The following ANKS6 variants were observed in gnomAD, a reference collection of about 807,000 sequenced individuals.
ANKS6 encodes ankyrin repeat and SAM domain-containing protein 6.
ANKS6 carries 47 observed loss-of-function variants against 77.9 expected under a neutral mutation model. The observed-to-expected ratio is 0.60, with a 90% confidence interval of 0.48 to 0.77. ANKS6 has a LOEUF of 0.77. Ranked by LOEUF, ANKS6 falls within the 30% of genes least tolerant of loss-of-function variation. The pLI is 0.00. For missense variants in ANKS6, 1,150 were observed against 1,159.1 expected (o/e 0.99, Z 0.11); for synonymous variants, 488 against 501.7 (o/e 0.97, Z 0.37).
At chr9:98,772,498 T>TA (rs1833696719) in intron 9 of ANKS6, among the ~76,000 whole-genome samples, 2 of 152,176 alleles carry the variant, frequency 1.3e-5, no homozygotes, top group Non-Finnish European at 2.9e-5. Flanking sequence ...GGTGACTTGT[T>TA]ACAGCAGCCA....
intron 12 of ANKS6, among the ~76,000 whole-genome samples, chr9:98,754,783 T>C (rs1162132610): frequency 6.6e-6 from 1 of 152,210 alleles, no homozygotes; most frequent in Non-Finnish European, 1.5e-5. Context: ...GAAATTATTC[T>C]ACAAAGAAAG....
chr9:98,773,263 C>T (rs907513361), intron 9 of ANKS6, among the ~76,000 whole-genome samples: 14 of 152,176 alleles, frequency 9.2e-5, no homozygotes, highest in Admixed American at 2.6e-4. Flanking sequence ...AGAGGCCACA[C>T]GTTTCTCCAA....
intron 11 of ANKS6, among the ~76,000 whole-genome samples, chr9:98,767,369 T>G (rs1833358619): frequency 6.6e-6 from 1 of 152,144 alleles, no homozygotes; most frequent in Non-Finnish European, 1.5e-5. Context: ...CCCTTTTACC[T>G]GGCTCCATTC....
rs182023815 is a variant in ANKS6, at chr9:98,732,499, G to A, written c.*4020C>T. ...CCGATGCCAGCAGAGCCACCTGAGC[G>A]GCTGCTACCTCTTGCCGGAGGCAGT... On this transcript the variant is annotated 3_prime_UTR_variant, in exon 15 of 15. Coordinates refer to ENST00000353234, the MANE Select transcript of ANKS6 (RefSeq NM_173551.5). 1.1e-4 allele frequency: 169 copies of A among 1,550,514 alleles called. No homozygotes were observed. In the African/African-American group the frequency reaches 1.7e-3, roughly 16 times the overall value.
chr9:98,783,853 T>C, intron 4 of ANKS6, 100 bp downstream of exon 4: 2 of 1,108,424 alleles, frequency 1.8e-6, no homozygotes, highest in Non-Finnish European at 1.2e-6. Context: ...CTGGGGTTTG[T>C]ATGCAGCATC....
chr9:98,770,393 G>A (rs535726833), intron 10 of ANKS6, among the ~76,000 whole-genome samples: 1 of 152,228 alleles, frequency 6.6e-6, no homozygotes, highest in Non-Finnish European at 1.5e-5. Flanking sequence ...CTGCAAAGCT[G>A]GTTTTGGTTA....
At chr9:98,784,321 C>G in intron 3 of ANKS6, 164 bp from the exon 4 acceptor site, 1 of 572,288 alleles carries the variant, frequency 1.7e-6, no homozygotes. Context: ...AGCCCCGACT[C>G]TTAAATGCCT....
rs1389571708 is a variant in ANKS6 at position 98,749,780 on chromosome 9, G to C, written c.2394+1249C>G. ...TATGGTAGAAAAGCAAACAGGAGGA[G>C]GAAAGCTACGCGCCCTATTTGTTTC... is the stretch of plus-strand genomic sequence containing the variant. On this transcript the variant is annotated intron_variant, in intron 13 of 14. Coordinates refer to ENST00000353234, the MANE Select transcript of ANKS6 (RefSeq NM_173551.5). 3.3e-5 allele frequency among the ~76,000 whole-genome samples: 5 copies of C among 152,302 alleles called. No individual in the cohort carries two copies. In the East Asian group the frequency reaches 7.7e-4, roughly 24 times the overall value.
chr9:98,777,895 C>T (rs187689195), intron 7 of ANKS6, among the ~76,000 whole-genome samples: 98 of 152,300 alleles, frequency 6.4e-4, no homozygotes, highest in African/African-American at 2.2e-3. Context: ...TTTCAAGATG[C>T]TTTCAGTGTC....
rs1215224016 is a variant in ANKS6, at chr9:98,755,682, A to G, written c.2326+738T>C. Among the ~76,000 whole-genome samples, 7 of 152,226 alleles carry G rather than the reference A, an allele frequency of 4.6e-5. No homozygotes were observed. The East Asian group carries it at 1.4e-3, about 29-fold the overall frequency. On this transcript the variant is annotated intron_variant, in intron 12 of 14. Coordinates refer to ENST00000353234, the MANE Select transcript of ANKS6 (RefSeq NM_173551.5). ...TATTTCTCTCCCACTTCCAATACAC[A>G]TATGTCAGTAGGTTGGACCCCAACT...
rs533343225 is a variant in ANKS6 at position 98,781,516 on chromosome 9, T to C, written c.1219+951A>G. ...CTTGGGGCACAGGACTCCAACCCTC[T>C]GGCTGGGACAGATCACTTCCCGAGT... On this transcript the variant is annotated intron_variant, in intron 5 of 14. Transcript: ENST00000353234. 1.9e-3 allele frequency among the ~76,000 whole-genome samples: 282 copies of C among 152,324 alleles called. 2 individuals are homozygous for C. Among genetic ancestry groups the C allele is most frequent in the Non-Finnish European group, 2.9e-3 (198 of 68,026 alleles).
At chr9:98,749,850 G>A (rs1350812877) in intron 13 of ANKS6, among the ~76,000 whole-genome samples, 1 of 152,120 alleles carries the variant, frequency 6.6e-6, no homozygotes, top group Admixed American at 6.6e-5. Flanking sequence ...AAGTCTGGTG[G>A]GGACAATGAG....
intron 12 of ANKS6, among the ~76,000 whole-genome samples, chr9:98,751,794 G>A (rs1268984715): frequency 6.6e-6 from 1 of 152,212 alleles, no homozygotes; most frequent in African/African-American, 2.4e-5. Context: ...TAAGAAGGCT[G>A]ACAGAGGCCG....
In ANKS6 at chr9:98,753,765, C is replaced by T. The variant is rs149277911; in HGVS notation, c.2326+2655G>A. Among the ~76,000 whole-genome samples the T allele has an allele frequency of 1.2e-3, 188 of 152,162 alleles. 1 individual carries two copies. The highest frequency in any genetic ancestry group is 4.2e-3 in the African/African-American group (174 of 41,510). ...GATGCGCAGTAGGAACACATCATTACGGGGTATTCACACTGCAGGTATGAG... is the reference window on the plus strand; with the variant it reads ...GATGCGCAGTAGGAACACATCATTATGGGGTATTCACACTGCAGGTATGAG... On this transcript the variant is annotated intron_variant, in intron 12 of 14. Coordinates refer to ENST00000353234, the MANE Select transcript of ANKS6 (RefSeq NM_173551.5).
At position 98,769,836 on chromosome 9, in the gene ANKS6, G is replaced by A. The variant is rs186294947; in HGVS notation, c.1972+1060C>T. Among the ~76,000 whole-genome samples, 9 of 152,270 alleles carry A rather than the reference G, an allele frequency of 5.9e-5. No individual in the cohort carries two copies. In the East Asian group the frequency reaches 9.6e-4, roughly 16 times the overall value. ...ATAATTCATTCGAAGGGCTTGGCAC[G>A]CTACTTGACAAATATTAAGTGCTCC... On this transcript the variant is annotated intron_variant, in intron 10 of 14. Transcript: ENST00000353234.
chr9:98,778,572 T>C, intron 6 of ANKS6, 148 bp from the exon 7 acceptor site: 3 of 714,396 alleles, frequency 4.2e-6, no homozygotes, highest in Non-Finnish European at 7.0e-6. Context: ...TGATCAATGA[T>C]AGCACCCATT....
rs759747144 is a variant in ANKS6, at chr9:98,751,105, T to C, written c.2327-9A>G. On this transcript the variant is annotated splice_polypyrimidine_tract_variant and intron_variant, in intron 12 of 14. Coordinates refer to ENST00000353234, the MANE Select transcript of ANKS6 (RefSeq NM_173551.5). ...GATTCCAGTCAGTTCATCTTCAAGA[T>C]GGAAAGGTGAAAAAAAAACAACACA... 6.3e-6 allele frequency: 10 copies of C among 1,595,408 alleles called. No individual in the cohort carries two copies. Among genetic ancestry groups the C allele is most frequent in the South Asian group, 1.2e-5 (1 of 86,906 alleles).
intron 12 of ANKS6, among the ~76,000 whole-genome samples, chr9:98,752,226 C>T (rs1343150328): frequency 1.3e-5 from 2 of 152,212 alleles, no homozygotes; most frequent in Non-Finnish European, 2.9e-5. Context: ...CGGAAAGACT[C>T]TCCTATAAGG....
At chr9:98,758,944 A>G (rs1397672083) in intron 11 of ANKS6, among the ~76,000 whole-genome samples, 1 of 152,186 alleles carries the variant, frequency 6.6e-6, no homozygotes, top group Admixed American at 6.5e-5. Context: ...TATCCACTCA[A>G]CATACGATTT....
Sources: gnomAD v4.1 joint callset for allele counts (sites outside exome capture counted in the v4.1 genomes callset) on GRCh38, gnomAD v4.1.1 for gene constraint, MANE v1.5 for transcripts, NCBI Gene and HGNC (gene_info 2026-07-23, HGNC 2026-07-21) for gene names.